The following CHD9 variants were observed in gnomAD, a reference collection of about 807,000 sequenced individuals.
The protein encoded by CHD9 is chromodomain helicase DNA binding protein 9.
A neutral mutation model predicts 316.1 loss-of-function variants in CHD9; 77 were observed. The ratio of observed to expected loss-of-function variants is 0.24; its 90% CI spans 0.20 to 0.29. CHD9 has a LOEUF of 0.29. Among genes scored for constraint, CHD9 ranks in the 10% least tolerant of loss-of-function variants. The pLI is 1.00. For missense variants in CHD9, 2,763 were observed against 3,438.1 expected (o/e 0.80, Z 4.91); for synonymous variants, 1,129 against 1,158.3 (o/e 0.97, Z 0.51).
intron 2 of CHD9, among the ~76,000 whole-genome samples, chr16:53,165,725 C>G (rs1028117682): frequency 6.6e-6 from 1 of 152,004 alleles, no homozygotes; most frequent in Admixed American, 6.6e-5. Context: ...AATGCTCACA[C>G]CCAAGCTATT....
intron 22 of CHD9, among the ~76,000 whole-genome samples, chr16:53,271,374 G>C (rs28420221): frequency 6.6e-6 from 1 of 152,028 alleles, no homozygotes; most frequent in African/African-American, 2.4e-5. Context: ...TTCAAGACCA[G>C]CCTGGCCAAC....
chr16:53,320,283 G>A (rs1232029822), intron 37 of CHD9, among the ~76,000 whole-genome samples: 1 of 151,906 alleles, frequency 6.6e-6, no homozygotes, highest in Non-Finnish European at 1.5e-5. Context: ...CACTTTGGGA[G>A]GCCAAGGTGG....
intron 1 of CHD9, among the ~76,000 whole-genome samples, chr16:53,095,390 T>A (rs539133457): frequency 2.7e-5 from 4 of 150,908 alleles, no homozygotes; most frequent in Non-Finnish European, 4.4e-5. Flanking sequence ...TACAAAAAAA[T>A]TTTTAAAATG....
chr16:53,076,374 A>G (rs1157216743), intron 1 of CHD9, among the ~76,000 whole-genome samples: 1 of 152,184 alleles, frequency 6.6e-6, no homozygotes, highest in African/African-American at 2.4e-5. Context: ...CAGGAGTTCG[A>G]GACCAGCCTG....
intron 34 of CHD9, among the ~76,000 whole-genome samples, chr16:53,309,894 G>A (rs116918235): frequency 2.0e-5 from 3 of 152,198 alleles, no homozygotes; most frequent in East Asian, 3.9e-4. Context: ...GTCTTAATGC[G>A]TGGACCACAA....
intron 1 of CHD9, among the ~76,000 whole-genome samples, chr16:53,113,862 G>A (rs1172058878): frequency 6.6e-6 from 1 of 151,754 alleles, no homozygotes; most frequent in Non-Finnish European, 1.5e-5. Context: ...GCACCACCAC[G>A]CCTGGCTATG....
intron 1 of CHD9, among the ~76,000 whole-genome samples, chr16:53,072,180 C>A (rs1353956872): frequency 1.3e-5 from 2 of 152,098 alleles, no homozygotes; most frequent in Non-Finnish European, 2.9e-5. Context: ...GGAAGCCCCC[C>A]TCTGTCACAG....
chr16:53,212,322 G>A (rs986864693), intron 3 of CHD9, among the ~76,000 whole-genome samples: 3 of 151,682 alleles, frequency 2.0e-5, no homozygotes, highest in Admixed American at 6.6e-5. Flanking sequence ...GGAGAATGGC[G>A]TGAACCTGGG....
chr16:53,166,042 A>G (rs1304464862), intron 2 of CHD9, among the ~76,000 whole-genome samples: 1 of 152,194 alleles, frequency 6.6e-6, no homozygotes, highest in East Asian at 1.9e-4. Flanking sequence ...AGCATAAAAT[A>G]GAAATTCTGT....
At position 53,091,049 on chromosome 16, in the gene CHD9, C is replaced by T. The variant is rs570578332; in HGVS notation, c.-165+35972C>T. ...GAGGCTCAGCTTCCTTCCTCTCCCC[C>T]GCCCTTGGGCTCTCAGTCCCACACA... On this transcript the variant is annotated intron_variant, in intron 1 of 38. Coordinates refer to ENST00000447540, the MANE Select transcript of CHD9 (RefSeq NM_001308319.2). 1.1e-4 allele frequency among the ~76,000 whole-genome samples: 16 copies of T among 152,314 alleles called. No homozygotes were observed. The East Asian group carries it at 1.9e-3, about 18-fold the overall frequency.
intron 2 of CHD9, among the ~76,000 whole-genome samples, chr16:53,187,172 G>A (rs2044088744): frequency 6.6e-6 from 1 of 152,208 alleles, no homozygotes; most frequent in Admixed American, 6.5e-5. Flanking sequence ...AAAGTGATAA[G>A]TGATAGTTGA....
At chr16:53,097,360 C>T (rs2036466053) in intron 1 of CHD9, among the ~76,000 whole-genome samples, 1 of 43,282 alleles carries the variant, frequency 2.3e-5, no homozygotes, top group South Asian at 1.1e-3. Flanking sequence ...CTCTCCCTTC[C>T]TTCCTTCCTT....
At chr16:53,171,772 G>C (rs1242811729) in intron 2 of CHD9, among the ~76,000 whole-genome samples, 1 of 151,646 alleles carries the variant, frequency 6.6e-6, no homozygotes, top group Non-Finnish European at 1.5e-5. Flanking sequence ...GATTACTTGA[G>C]CCCAGGAGAC....
intron 1 of CHD9, among the ~76,000 whole-genome samples, chr16:53,134,491 A>AT (rs1423330009): frequency 3.9e-5 from 6 of 152,038 alleles, no homozygotes; most frequent in Admixed American, 1.3e-4. Flanking sequence ...ACCTCTTGGA[A>AT]TTTTACCAGT....
chr16:53,209,319 T>C (rs1046643821), intron 2 of CHD9, among the ~76,000 whole-genome samples, 163 bp from the exon 3 acceptor site: 5 of 152,226 alleles, frequency 3.3e-5, no homozygotes, highest in African/African-American at 1.2e-4. Context: ...ATATCTGTAC[T>C]AATTTCTTGA....
chr16:53,125,005 T>A (rs926019446), intron 1 of CHD9, among the ~76,000 whole-genome samples: 3 of 152,214 alleles, frequency 2.0e-5, no homozygotes, highest in Non-Finnish European at 4.4e-5. Context: ...TGATTTGCAT[T>A]TCTCTAACAA....
At position 53,297,259 on chromosome 16, in the gene CHD9, T is replaced by C. The variant is rs374031892; in HGVS notation, c.5713+101T>C. 4 of 784,182 alleles carry C rather than the reference T, an allele frequency of 5.1e-6. No homozygotes were observed. The African/African-American group carries it at 5.2e-5, about 10-fold the overall frequency. 48.6% of individuals were successfully genotyped at this position (784,182 alleles called of 1,614,324 possible). A position where few individuals can be genotyped will look rare whatever the true frequency, so the allele number is the denominator to read the frequency against. On this transcript the variant is annotated intron_variant, in intron 30 of 38. Transcript: ENST00000447540. ...TCTCTTTTATGTGAAATTTCAATAC[T>C]ATCTAATTCAACTTGTCAGTAATTT...
At position 53,307,661 on chromosome 16, in the gene CHD9, G is replaced by T; in HGVS notation, c.6781-20G>T. 1 of 1,573,244 alleles carries T rather than the reference G, an allele frequency of 6.4e-7. No individual in the cohort carries two copies. Among genetic ancestry groups the T allele is most frequent in the Non-Finnish European group, 8.6e-7 (1 of 1,158,454 alleles). ...GATCTAATTATTAAAATTACACTTT[G>T]ATGTTGCACGCTTTTCTAGGATCGT... On this transcript the variant is annotated intron_variant, in intron 32 of 38. Coordinates refer to ENST00000447540, the MANE Select transcript of CHD9 (RefSeq NM_001308319.2).
At chr16:53,313,955 A>G (rs2056681532) in intron 34 of CHD9, among the ~76,000 whole-genome samples, 1 of 150,170 alleles carries the variant, frequency 6.7e-6, no homozygotes, top group Non-Finnish European at 1.5e-5. Context: ...TCCGTCTCCA[A>G]AAAAAAAAAA....
Sources: gnomAD v4.1 joint callset for allele counts (sites outside exome capture counted in the v4.1 genomes callset) on GRCh38, gnomAD v4.1.1 for gene constraint, MANE v1.5 for transcripts, NCBI Gene and HGNC (gene_info 2026-07-23, HGNC 2026-07-21) for gene names.